MYCBP2: variants seen among roughly 807,000 people sequenced by gnomAD.
The protein encoded by MYCBP2 is MYC binding protein 2, also known as E3 ubiquitin-protein ligase MYCBP2.
In MYCBP2, 120 loss-of-function variants were observed where a neutral mutation model predicts 525.3. The ratio of observed to expected loss-of-function variants is 0.23; its 90% confidence interval spans 0.20 to 0.27. MYCBP2 has a LOEUF of 0.27. Among genes scored for constraint, MYCBP2 ranks in the 10% least tolerant of loss-of-function variants. MYCBP2 has a pLI of 1.00. For synonymous variants in MYCBP2, 1,894 were observed against 1,955.8 expected (o/e 0.97, Z 0.83); for missense variants, 4,149 against 5,657.1 (o/e 0.73, Z 8.55).
intron 18 of MYCBP2, among the ~76,000 whole-genome samples, chr13:77,226,651 A>G (rs1422770782): frequency 6.6e-6 from 1 of 152,232 alleles, no homozygotes; most frequent in Non-Finnish European, 1.5e-5. Context: ...AATGTTAAAC[A>G]GAATAATATT....
At chr13:77,280,240 T>A (rs2076051165) in intron 3 of MYCBP2, among the ~76,000 whole-genome samples, 1 of 152,228 alleles carries the variant, frequency 6.6e-6, no homozygotes, top group Non-Finnish European at 1.5e-5. Flanking sequence ...GGAGAAGTTA[T>A]CTAAAATGCT....
intron 55 of MYCBP2, among the ~76,000 whole-genome samples, chr13:77,108,149 T>G (rs1485752783): frequency 2.6e-5 from 4 of 152,200 alleles, no homozygotes; most frequent in Non-Finnish European, 4.4e-5. Flanking sequence ...TTAATCCACA[T>G]GATCTGAATG....
At chr13:77,097,296 G>C in intron 56 of MYCBP2, 74 bp downstream of exon 56, 2 of 1,520,240 alleles carry the variant, frequency 1.3e-6, no homozygotes, top group East Asian at 2.3e-5. Context: ...AAAATTCATA[G>C]AACAGCTCAA....
chr13:77,270,440 T>A lies in MYCBP2; in HGVS notation c.1044A>T (p.Ala348=). 6.2e-7 allele frequency: 1 copy of A among 1,613,844 alleles called. No individual in the cohort carries two copies. Among genetic ancestry groups the A allele is most frequent in the East Asian group, 2.2e-5 (1 of 44,784 alleles). The part of the protein sequence containing the change: ...QDWFSNGIKK[A]ALMHKWPLKE... ...TTAATGGCCACTTGTGCATTAAAGC[T>A]GCTTTCTTAATGCCATTACTAAACC... The change falls in exon 6 of 83, where the codon GCA becomes GCT. Residue 348 remains alanine, a synonymous_variant. Coordinates refer to ENST00000544440, the MANE Select transcript of MYCBP2 (RefSeq NM_015057.5).
Position 77,229,431 on chromosome 13 carries a change from T to C in MYCBP2, c.2737+3725A>G, listed in dbSNP as rs79548492. On this transcript the variant is annotated intron_variant, in intron 18 of 82. Transcript: ENST00000544440. ...GACAAATTTAGAGTTTAATCATAAA[T>C]AAGGCTCATGCATTTTACCACCACC... 8.6e-3 allele frequency among the ~76,000 whole-genome samples: 1,308 copies of C among 152,282 alleles called. 21 individuals carry two copies. The highest frequency in any genetic ancestry group is 0.029 in the African/African-American group (1,218 of 41,560).
intron 54 of MYCBP2, among the ~76,000 whole-genome samples, chr13:77,123,974 C>A (rs2051210002): frequency 6.6e-6 from 1 of 151,900 alleles, no homozygotes; most frequent in Non-Finnish European, 1.5e-5. Context: ...CAAGCGGAAC[C>A]CTTATCTTTT....
intron 15 of MYCBP2, among the ~76,000 whole-genome samples, chr13:77,246,427 C>T (rs558511006): frequency 6.7e-6 from 1 of 150,238 alleles, no homozygotes; most frequent in African/African-American, 2.5e-5. Flanking sequence ...CAGGATTACC[C>T]CAATACCAAT....
At position 77,180,330 on chromosome 13, in the gene MYCBP2, A is replaced by C; in HGVS notation, c.4942-12T>G. The C allele has an allele frequency of 6.2e-7, 1 of 1,611,716 alleles. No individual in the cohort carries two copies. The highest frequency in any genetic ancestry group is 8.5e-7 in the Non-Finnish European group (1 of 1,178,436). On this transcript the variant is annotated splice_polypyrimidine_tract_variant and intron_variant, in intron 33 of 82. Transcript: ENST00000544440. ...ATATTCTCTTCACTCTGCGATACAT[A>C]AGAAAAAGTTCTAAGGTATTGTTTT...
chr13:77,071,271 GCA>G (rs71814048), intron 68 of MYCBP2, among the ~76,000 whole-genome samples: 24,486 of 142,576 alleles, frequency 0.17, 2,018 homozygotes, highest in East Asian at 0.31. Flanking sequence ...GTGTGCACAC[GCA>G]CACACACACA....
chr13:77,242,639 T>C (rs2025907), intron 17 of MYCBP2, among the ~76,000 whole-genome samples: 87,334 of 152,046 alleles, frequency 0.57, 28,513 homozygotes, highest in Non-Finnish European at 0.74. Flanking sequence ...TGAGCATAAA[T>C]GAGTAAGAAA....
At chr13:77,254,532 T>C (rs2071814324) in intron 14 of MYCBP2, among the ~76,000 whole-genome samples, 1 of 151,976 alleles carries the variant, frequency 6.6e-6, no homozygotes. Context: ...ATTTATGGCA[T>C]ATATGTGAGT....
chr13:77,193,325 C>T lies in MYCBP2; in HGVS notation c.3935+828G>A, dbSNP rs907624096. On this transcript the variant is annotated intron_variant, in intron 27 of 82. Coordinates refer to ENST00000544440, the MANE Select transcript of MYCBP2 (RefSeq NM_015057.5). ...ATGCCTAAGAAATAGTCAAAATTTT[C>T]TTTAGATTTACTCTTTTGTTTTCAA... Among the ~76,000 whole-genome samples, 154 of 152,136 alleles carry T rather than the reference C, an allele frequency of 1.0e-3. 1 individual carries two copies. The highest frequency in any genetic ancestry group is 3.6e-3 in the African/African-American group (149 of 41,534).
chr13:77,194,178 C>T lies in MYCBP2; in HGVS notation c.3910G>A (p.Val1304Ile). The change falls in exon 27 of 83, where the codon GTA becomes ATA. Residue 1304 changes from valine to isoleucine, a missense_variant. Coordinates refer to ENST00000544440, the MANE Select transcript of MYCBP2 (RefSeq NM_015057.5). ...TDGDLLAETDVLAYDCAAREK... is the reference protein window; with the variant it reads ...TDGDLLAETDILAYDCAAREK... ...CTAGCAGCACAGTCATAAGCCAATACATCAGTCTCTGCAAGAAGGTCACCA... is the reference window on the plus strand; with the variant it reads ...CTAGCAGCACAGTCATAAGCCAATATATCAGTCTCTGCAAGAAGGTCACCA... 6.2e-7 allele frequency: 1 copy of T among 1,613,100 alleles called. No individual in the cohort carries two copies. The highest frequency in any genetic ancestry group is 8.5e-7 in the Non-Finnish European group (1 of 1,179,326).
intron 26 of MYCBP2, among the ~76,000 whole-genome samples, chr13:77,201,271 C>T (rs2062507216): frequency 6.7e-6 from 1 of 148,542 alleles, no homozygotes; most frequent in Admixed American, 6.7e-5. Context: ...GACTTTAAAC[C>T]AACAAAGATC....
At chr13:77,257,078 GCAA>G (rs1371695936) in intron 14 of MYCBP2, among the ~76,000 whole-genome samples, 1 of 152,078 alleles carries the variant, frequency 6.6e-6, no homozygotes, top group Non-Finnish European at 1.5e-5. Context: ...CCTATCATTT[GCAA>G]CAACAAGGAT....
At chr13:77,222,903 C>T (rs530729141) in intron 20 of MYCBP2, among the ~76,000 whole-genome samples, 2 of 152,220 alleles carry the variant, frequency 1.3e-5, no homozygotes, top group South Asian at 4.1e-4. Context: ...AAGGAGAAAC[C>T]ATAGAAGTCC....
chr13:77,244,602 T>G (rs2069529607), intron 15 of MYCBP2, among the ~76,000 whole-genome samples: 1 of 152,186 alleles, frequency 6.6e-6, no homozygotes, highest in Non-Finnish European at 1.5e-5. Flanking sequence ...GACACAGGCA[T>G]GGGCAAAGAC....
At chr13:77,183,541 CTTTTTTTTTTTTT>C (rs60927409) in intron 32 of MYCBP2, among the ~76,000 whole-genome samples, 45 of 66,052 alleles carry the variant, frequency 6.8e-4, no homozygotes, top group African/African-American at 8.5e-4. Flanking sequence ...GTCCCTATTT[CTTTTTTTTTTTTT>C]TTTTTTTTTT....
rs1468121598 is a variant in MYCBP2 at position 77,326,086 on chromosome 13, A to T, written c.302+388T>A. Among the ~76,000 whole-genome samples, 4 of 151,916 alleles carry T rather than the reference A, an allele frequency of 2.6e-5. No individual in the cohort carries two copies. The highest frequency in any genetic ancestry group is 1.5e-5 in the Non-Finnish European group (1 of 67,974). ...ACGCCACTTCCCTTGCCACTGTTGC[A>T]ATTCTCTTCGTGTATCATCCTCTTA... On this transcript the variant is annotated intron_variant, in intron 1 of 82. Transcript: ENST00000544440. This position sits in a 1 kb window ranked among gnomAD's most constrained non-coding sequence, Gnocchi z 4.2.
Sources: allele counts gnomAD v4.1 joint callset (sites outside exome capture counted in the v4.1 genomes callset), GRCh38; gene constraint gnomAD v4.1.1; non-coding constraint Gnocchi (gnomAD v3.1); transcripts MANE v1.5; gene names NCBI Gene and HGNC (gene_info 2026-07-23, HGNC 2026-07-21).